ARHGAP10: variants seen among roughly 807,000 people sequenced by gnomAD.
ARHGAP10 encodes the protein rho GTPase-activating protein 10.
A neutral mutation model predicts 108.6 loss-of-function variants in ARHGAP10; 87 were observed. That is an observed-to-expected ratio of 0.80 (90% CI 0.67 to 0.96). The LOEUF is 0.96. ARHGAP10 is among the 40% of genes least tolerant of loss of function. The pLI is 0.00. For missense variants in ARHGAP10, 939 were observed against 954.5 expected (o/e 0.98, Z 0.21); for synonymous variants, 347 against 341.1 (o/e 1.02, Z -0.19).
intron 1 of ARHGAP10, among the ~76,000 whole-genome samples, chr4:147,805,188 C>T (rs2126765215): frequency 6.6e-6 from 1 of 152,238 alleles, no homozygotes; most frequent in South Asian, 2.1e-4. Context: ...CAGTCTTCTG[C>T]CTATGGCTAG....
At chr4:147,921,853 C>T (rs1050021807) in intron 13 of ARHGAP10, among the ~76,000 whole-genome samples, 2 of 152,072 alleles carry the variant, frequency 1.3e-5, no homozygotes, top group Admixed American at 1.3e-4. Context: ...TCCCCTTATT[C>T]TCAAGTAGCT....
At position 148,023,420 on chromosome 4, in the gene ARHGAP10, T is replaced by A. The variant is rs774769252; in HGVS notation, c.1867+7T>A. On this transcript the variant is annotated splice_region_variant and intron_variant, in intron 19 of 22. Transcript: ENST00000336498. ...TGTCTGGAGCTGGAAGATGGTAAGATGTTAATGATATTTTTTGCTTGATAG... is the reference window on the plus strand; with the variant it reads ...TGTCTGGAGCTGGAAGATGGTAAGAAGTTAATGATATTTTTTGCTTGATAG... 3 of 1,609,816 alleles carry A rather than the reference T, an allele frequency of 1.9e-6. No individual in the cohort carries two copies. The Admixed American group carries it at 5.0e-5, about 27-fold the overall frequency.
At chr4:147,993,937 A>C (rs1323837076) in intron 18 of ARHGAP10, among the ~76,000 whole-genome samples, 2 of 152,260 alleles carry the variant, frequency 1.3e-5, no homozygotes, top group South Asian at 2.1e-4. Context: ...TCAACAGCCA[A>C]CCCTGAAAGG....
chr4:147,782,267 C>G (rs1009712667), intron 1 of ARHGAP10, among the ~76,000 whole-genome samples: 1 of 151,958 alleles, frequency 6.6e-6, no homozygotes, highest in African/African-American at 2.4e-5. Flanking sequence ...ATGTATTGGG[C>G]GTGTTGAACT....
chr4:147,941,523 C>A (rs1156891290), intron 14 of ARHGAP10, among the ~76,000 whole-genome samples: 1 of 152,158 alleles, frequency 6.6e-6, no homozygotes, highest in Non-Finnish European at 1.5e-5. Context: ...AAGCCCAGGA[C>A]ATGAGTGTGA....
intron 10 of ARHGAP10, among the ~76,000 whole-genome samples, chr4:147,886,351 C>T (rs1028973050): frequency 1.1e-4 from 17 of 152,132 alleles, no homozygotes; most frequent in African/African-American, 2.9e-4. Flanking sequence ...TGTTCTTTAC[C>T]GTACCTCAGC....
chr4:147,864,820 G>A (rs1560798215), intron 5 of ARHGAP10, 26 bp from the exon 6 acceptor site: 1 of 1,601,528 alleles, frequency 6.2e-7, no homozygotes, highest in Non-Finnish European at 8.5e-7. Flanking sequence ...TCTCCAGTTT[G>A]ACTAACCTCT....
intron 19 of ARHGAP10, among the ~76,000 whole-genome samples, chr4:148,040,817 G>A (rs561023813): frequency 2.0e-5 from 3 of 152,014 alleles, no homozygotes; most frequent in Admixed American, 6.5e-5. Context: ...AAAGATTTGG[G>A]GGGGGTTATT....
At chr4:147,798,068 G>A (rs1383955074) in intron 1 of ARHGAP10, among the ~76,000 whole-genome samples, 3 of 152,046 alleles carry the variant, frequency 2.0e-5, no homozygotes, top group Admixed American at 6.6e-5. Context: ...AGTGGCAGAT[G>A]AATAGTTCCT....
At chr4:147,821,689 TA>T (rs1732502744) in intron 1 of ARHGAP10, among the ~76,000 whole-genome samples, 1 of 152,208 alleles carries the variant, frequency 6.6e-6, no homozygotes, top group African/African-American at 2.4e-5. Context: ...AAAACTGCTC[TA>T]AAAATAGTCT....
intron 1 of ARHGAP10, among the ~76,000 whole-genome samples, chr4:147,818,940 A>C (rs537204475): frequency 1.3e-5 from 2 of 152,222 alleles, no homozygotes; most frequent in South Asian, 4.1e-4. Context: ...CTAAGAGGAG[A>C]TCACCAGAAA....
intron 3 of ARHGAP10, among the ~76,000 whole-genome samples, chr4:147,825,566 G>T (rs1269549805): frequency 6.6e-6 from 1 of 152,188 alleles, no homozygotes; most frequent in Non-Finnish European, 1.5e-5. Flanking sequence ...GGTGTGTGAA[G>T]ACAGTGTGGT....
chr4:148,038,544 G>A (rs1021887552), intron 19 of ARHGAP10, among the ~76,000 whole-genome samples: 5 of 152,042 alleles, frequency 3.3e-5, no homozygotes, highest in Non-Finnish European at 5.9e-5. Flanking sequence ...CTGAACCCTC[G>A]TCTTCCAATA....
chr4:147,890,514 A>G (rs1201988913), intron 10 of ARHGAP10, among the ~76,000 whole-genome samples: 7 of 152,250 alleles, frequency 4.6e-5, no homozygotes, highest in African/African-American at 1.7e-4. Flanking sequence ...CTGAATTTAG[A>G]CATTTCTCCA....
At chr4:147,989,716 C>T (rs1001392391) in intron 18 of ARHGAP10, among the ~76,000 whole-genome samples, 25 of 152,098 alleles carry the variant, frequency 1.6e-4, no homozygotes, top group Non-Finnish European at 3.2e-4. Flanking sequence ...TTCAGGGTGC[C>T]CACATTTCAT....
At chr4:148,053,659 T>C (rs939210643) in intron 20 of ARHGAP10, among the ~76,000 whole-genome samples, 8 of 152,202 alleles carry the variant, frequency 5.3e-5, no homozygotes, top group African/African-American at 9.6e-5. Flanking sequence ...ACCATCACAT[T>C]GTCTATTCAC....
intron 15 of ARHGAP10, among the ~76,000 whole-genome samples, chr4:147,951,446 G>T (rs1275776054): frequency 1.3e-5 from 2 of 151,228 alleles, no homozygotes; most frequent in African/African-American, 4.9e-5. Context: ...GGGAATGTAG[G>T]GGGAAAAGGA....
chr4:148,060,530 C>T (rs1278118832), intron 20 of ARHGAP10, among the ~76,000 whole-genome samples: 1 of 152,160 alleles, frequency 6.6e-6, no homozygotes, highest in Non-Finnish European at 1.5e-5. Context: ...GAAAAATTTC[C>T]TCTATCCAAG....
rs765842984 is a variant in ARHGAP10 at position 147,909,809 on chromosome 4, C to T, written c.1162+32C>T. 6 of 1,582,358 alleles carry T rather than the reference C, an allele frequency of 3.8e-6. No homozygotes were observed. In the East Asian group the frequency reaches 8.9e-5, roughly 24 times the overall value. On this transcript the variant is annotated intron_variant, in intron 12 of 22. Transcript: ENST00000336498. ...GCTCATTTATAAAAATGATTGTATC[C>T]TCCTTTTCCATCTATTACTTTGTGT...
Sources: allele counts gnomAD v4.1 joint callset (sites outside exome capture counted in the v4.1 genomes callset), GRCh38; gene constraint gnomAD v4.1.1; transcripts MANE v1.5; gene names NCBI Gene and HGNC (gene_info 2026-07-23, HGNC 2026-07-21).